ANO3: variants seen among roughly 807,000 people sequenced by gnomAD.
ANO3 encodes anoctamin-3.
In ANO3, 99 loss-of-function variants were observed where a neutral mutation model predicts 144.8. That is an observed-to-expected ratio of 0.68 (90% confidence interval 0.58 to 0.81). ANO3 has a LOEUF of 0.81. ANO3 is among the 30% of genes least tolerant of loss of function. The probability of loss-of-function intolerance (pLI) is 0.00; values close to 1 mark genes in which losing one functional copy is unlikely to be tolerated. For synonymous variants in ANO3, 414 were observed against 392.6 expected (o/e 1.05, Z -0.64); for missense variants, 905 against 1,202.2 (o/e 0.75, Z 3.66).
intron 24 of ANO3, among the ~76,000 whole-genome samples, chr11:26,655,848 T>C (rs1853669951): frequency 6.6e-6 from 1 of 152,138 alleles, no homozygotes; most frequent in African/African-American, 2.4e-5. Flanking sequence ...TAGAAAGTAA[T>C]TAGCAAAATA....
intron 20 of ANO3, among the ~76,000 whole-genome samples, chr11:26,637,730 G>A (rs4474389): frequency 0.35 from 52,813 of 152,026 alleles, 9,774 homozygotes; most frequent in South Asian, 0.47. Context: ...GCTCAGATTA[G>A]GGAGTCTTAA....
In ANO3 at chr11:26,642,010, G is replaced by A. The variant is rs1376325435; in HGVS notation, c.2256G>A (p.Met752Ile). Reference protein sequence around the residue: ...NLQPMNLHGLMDEYLEMVLQF... With the variant: ...NLQPMNLHGLIDEYLEMVLQF... The stretch of plus-strand genomic sequence containing the variant: ...AGCCCATGAACCTTCATGGACTGAT[G>A]GATGAGTACTTAGAAATGGGTAAGG... Residue 752 changes from methionine (M) to isoleucine (I), a missense_variant, in exon 22 of 27, where the codon ATG (methionine) becomes ATA (isoleucine). By Grantham distance (10) the Met-to-Ile change is conservative (BLOSUM62 1). Transcript: ENST00000256737. 2 of 1,613,434 alleles carry A rather than the reference G, an allele frequency of 1.2e-6. No homozygotes were observed. The highest frequency in any genetic ancestry group is 1.7e-6 in the Non-Finnish European group (2 of 1,179,764).
At chr11:26,333,438 A>C (rs1402875430) in intron 1 of ANO3, among the ~76,000 whole-genome samples, 4 of 151,918 alleles carry the variant, frequency 2.6e-5, no homozygotes, top group South Asian at 4.2e-4. Context: ...CCCGCCACCA[A>C]GCCCAGCTAA....
chr11:26,527,171 G>T (rs925142518), intron 7 of ANO3, among the ~76,000 whole-genome samples: 1 of 152,034 alleles, frequency 6.6e-6, no homozygotes, highest in African/African-American at 2.4e-5. Context: ...TGGCAAATGC[G>T]TATACTAAAT....
chr11:26,229,862 T>G (rs751632851), intron 1 of ANO3, among the ~76,000 whole-genome samples: 2 of 152,214 alleles, frequency 1.3e-5, no homozygotes, highest in African/African-American at 2.4e-5. Flanking sequence ...AAAGCCAGAA[T>G]TGGAACATGA....
chr11:26,531,221 A>G lies in ANO3; in HGVS notation c.754A>G (p.Arg252Gly), dbSNP rs147236567. 1.2e-6 allele frequency: 2 copies of G among 1,613,978 alleles called. No individual in the cohort carries two copies. The highest frequency in any genetic ancestry group is 2.7e-5 in the African/African-American group (2 of 74,922). The change falls in exon 8 of 27, where the codon AGA becomes GGA. Residue 252 changes from arginine to glycine, a missense_variant. Transcript: ENST00000256737. ...KSMGRMQTYF[R>G]RIKNWMAQNP... ...TCATTCCAGGATGCAAACTTATTTT[A>G]GAAGAATCAAAAACTGGATGGCCCA...
intron 21 of ANO3, among the ~76,000 whole-genome samples, chr11:26,641,337 G>A (rs1457347562): frequency 2.6e-5 from 4 of 152,116 alleles, no homozygotes; most frequent in Non-Finnish European, 5.9e-5. Flanking sequence ...AAAATCACAC[G>A]GCTAATGCAT....
intron 1 of ANO3, among the ~76,000 whole-genome samples, chr11:26,219,737 G>A (rs915205531): frequency 6.6e-6 from 1 of 152,112 alleles, no homozygotes; most frequent in Non-Finnish European, 1.5e-5. Flanking sequence ...AGGAAGTTAG[G>A]CAAAGCAAAT....
chr11:26,529,407 A>AT (rs578007431), intron 7 of ANO3, among the ~76,000 whole-genome samples: 433 of 796 alleles, frequency 0.54, 200 homozygotes, highest in East Asian at 1. Flanking sequence ...TTATATAATA[A>AT]TATATAATAA....
rs1175193718 is a variant in ANO3 at position 26,289,655 on chromosome 11, CTA to C, written c.155-19986_155-19985del. Among the ~76,000 whole-genome samples, 13 of 79,812 alleles carry C rather than the reference CTA, an allele frequency of 1.6e-4. No individual in the cohort carries two copies. The East Asian group carries it at 2.9e-3, about 18-fold the overall frequency. 52.4% of individuals were successfully genotyped at this position (79,812 alleles called of 152,430 possible). On this transcript the variant is annotated intron_variant, in intron 1 of 27. Coordinates refer to the ANO3 transcript ENST00000672621. ...ATATGTACATATACACACATATATT[CTA>C]TATGTGTGTATATGTACATATACAC...
rs1425272049 is a variant in ANO3, at chr11:26,663,006, T to C, written c.*2562T>C. The C allele has an allele frequency of 6.6e-6, 1 of 152,496 alleles. No individual in the cohort carries two copies. Among genetic ancestry groups the C allele is most frequent in the Admixed American group, 6.6e-5 (1 of 15,212 alleles). The allele number at this position is 152,496 out of a possible 1,614,324, so 9.4% of individuals were successfully genotyped here. A position where few individuals can be genotyped will look rare whatever the true frequency, so the allele number is the denominator to read the frequency against. ...ATTCTAACTTGTCTTTTCAAGCAAA[T>C]AACTAATATATATGTGCATGCAGTC... On this transcript the variant is annotated 3_prime_UTR_variant, in exon 27 of 27. Coordinates refer to ENST00000256737, the MANE Select transcript of ANO3 (RefSeq NM_031418.4).
chr11:26,332,457 A>T (rs1855078107), intron 1 of ANO3, 136 bp downstream of exon 1: 1 of 872,014 alleles, frequency 1.1e-6, no homozygotes, highest in Non-Finnish European at 1.8e-6. Context: ...AAAAAAAAAA[A>T]AAATTAAATT....
chr11:26,485,129 A>C (rs1032822348), intron 4 of ANO3, among the ~76,000 whole-genome samples: 3 of 152,010 alleles, frequency 2.0e-5, no homozygotes, highest in African/African-American at 4.8e-5. Context: ...ATTAGTTAAG[A>C]CTTTGGGGGA....
chr11:26,435,671 G>T (rs1055986527), intron 1 of ANO3, among the ~76,000 whole-genome samples: 1 of 151,924 alleles, frequency 6.6e-6, no homozygotes, highest in South Asian at 2.1e-4. Flanking sequence ...TCTCAGCTTG[G>T]TCTGTTCTAC....
At chr11:26,475,075 T>C (rs1859910905) in intron 4 of ANO3, among the ~76,000 whole-genome samples, 1 of 151,846 alleles carries the variant, frequency 6.6e-6, no homozygotes, top group Non-Finnish European at 1.5e-5. Flanking sequence ...AACCTATGAT[T>C]TAAATAAAAA....
At chr11:26,235,002 A>AAGAGAGAGAGAGAGAG (rs10694750) in intron 1 of ANO3, among the ~76,000 whole-genome samples, 2,378 of 140,190 alleles carry the variant, frequency 0.017, 51 homozygotes, top group South Asian at 0.071. Flanking sequence ...AGAGAAAAGA[A>AAGAGAGAGAGAGAGAG]AGAGAGAGAG....
intron 4 of ANO3, among the ~76,000 whole-genome samples, chr11:26,485,191 G>T (rs116443196): frequency 6.6e-6 from 1 of 152,148 alleles, no homozygotes; most frequent in African/African-American, 2.4e-5. Flanking sequence ...CATGGGATTT[G>T]GTAGGGGCCA....
In ANO3 at chr11:26,555,561, C is replaced by A. The variant is rs577081146; in HGVS notation, c.1386+2216C>A. Among the ~76,000 whole-genome samples, 15 of 152,218 alleles carry A rather than the reference C, an allele frequency of 9.9e-5. No homozygotes were observed. The South Asian group carries it at 2.9e-3, about 29-fold the overall frequency. On this transcript the variant is annotated intron_variant, in intron 13 of 26. Coordinates refer to ENST00000256737, the MANE Select transcript of ANO3 (RefSeq NM_031418.4). ...GGACAGGGATGACTCACAAAGAATT[C>A]ACTTAATAACATGTATAAGGAAGGT... is the stretch of plus-strand genomic sequence containing the variant.
At chr11:26,252,631 G>T (rs1052999948) in intron 1 of ANO3, among the ~76,000 whole-genome samples, 2 of 152,058 alleles carry the variant, frequency 1.3e-5, no homozygotes, top group African/African-American at 4.8e-5. Context: ...CTTTCATAGA[G>T]ACTTAAGCAG....
Sources: allele counts gnomAD v4.1 joint callset (sites outside exome capture counted in the v4.1 genomes callset), GRCh38; gene constraint gnomAD v4.1.1; transcripts MANE v1.5; gene names NCBI Gene and HGNC (gene_info 2026-07-23, HGNC 2026-07-21).